CCDC171: variants seen among roughly 807,000 people sequenced by gnomAD.
CCDC171 encodes coiled-coil domain-containing protein 171.
CCDC171 carries 177 observed loss-of-function variants against 168.2 expected under a neutral mutation model. The ratio of observed to expected loss-of-function variants is 1.05; its 90% CI spans 0.93 to 1.19. CCDC171 has a LOEUF of 1.19. Ranked by LOEUF, CCDC171 falls within the 50% of genes most tolerant of loss-of-function variation. The probability of loss-of-function intolerance (pLI) is 0.00; values close to 1 mark genes in which losing one functional copy is unlikely to be tolerated. For synonymous variants in CCDC171, 687 were observed against 540.8 expected, an observed-to-expected ratio of 1.27 and a Z score of -3.75; for missense variants, 1,991 against 1,539.0, an observed-to-expected ratio of 1.29 and a Z score of -4.91.
intron 18 of CCDC171, among the ~76,000 whole-genome samples, chr9:15,763,266 A>G (rs1030936057): frequency 6.6e-6 from 1 of 152,224 alleles, no homozygotes; most frequent in Admixed American, 6.5e-5. Flanking sequence ...TGACCAACCC[A>G]GGAAGCTCAC....
intron 3 of CCDC171, among the ~76,000 whole-genome samples, chr9:15,991,965 A>G (rs1832215050): frequency 6.6e-6 from 1 of 152,198 alleles, no homozygotes; most frequent in South Asian, 2.1e-4. Context: ...AAAGTCCGGG[A>G]TCAGGTGGAT....
chr9:15,648,334 G>T (rs2047216018), intron 7 of CCDC171, among the ~76,000 whole-genome samples: 1 of 152,114 alleles, frequency 6.6e-6, no homozygotes, highest in Non-Finnish European at 1.5e-5. Flanking sequence ...TTGAAAACTG[G>T]CACAATCCAG....
chr9:16,099,571 C>A, the CCDC171 span, among the ~76,000 whole-genome samples: 1 of 152,242 alleles, frequency 6.6e-6, no homozygotes, highest in Admixed American at 6.5e-5. Flanking sequence ...TCCCTAGCGA[C>A]TTCTGAAACA....
chr9:15,802,925 T>C (rs1399809633), intron 21 of CCDC171, among the ~76,000 whole-genome samples: 1 of 152,104 alleles, frequency 6.6e-6, no homozygotes, highest in East Asian at 1.9e-4. Context: ...TCTGTTGTTT[T>C]TTGAGTTTTT....
At chr9:15,914,319 T>C (rs1428853546) in intron 24 of CCDC171, among the ~76,000 whole-genome samples, 1 of 152,208 alleles carries the variant, frequency 6.6e-6, no homozygotes, top group Admixed American at 6.5e-5. Flanking sequence ...CTGGGGCTGC[T>C]GCCTTTCTTT....
chr9:15,908,091 A>C (rs9650678), intron 24 of CCDC171, among the ~76,000 whole-genome samples: 2 of 150,498 alleles, frequency 1.3e-5, no homozygotes, highest in African/African-American at 2.5e-5. Flanking sequence ...GTGGAAGTCA[A>C]TGTGGCGATT....
At chr9:16,081,324 A>G in the CCDC171 span, among the ~76,000 whole-genome samples, 3 of 152,200 alleles carry the variant, frequency 2.0e-5, no homozygotes, top group Admixed American at 2.0e-4. Flanking sequence ...GATGCATCCA[A>G]GCCATCTCCC....
intron 21 of CCDC171, among the ~76,000 whole-genome samples, chr9:15,813,610 G>T (rs900138347): frequency 1.1e-4 from 16 of 151,674 alleles, no homozygotes; most frequent in Non-Finnish European, 1.8e-4. Context: ...ATGTATTTGT[G>T]TGTGTGTGTG....
At chr9:15,768,621 G>A (rs2056856334) in intron 18 of CCDC171, among the ~76,000 whole-genome samples, 2 of 152,290 alleles carry the variant, frequency 1.3e-5, no homozygotes, top group East Asian at 3.9e-4. Flanking sequence ...ATATAAGGAA[G>A]TAAATTTAAA....
intron 7 of CCDC171, among the ~76,000 whole-genome samples, chr9:15,640,016 A>G (rs1364485120): frequency 6.6e-6 from 1 of 152,284 alleles, no homozygotes; most frequent in East Asian, 1.9e-4. Flanking sequence ...CTAGTATGGC[A>G]TCTGGCATAT....
intron 11 of CCDC171, among the ~76,000 whole-genome samples, chr9:15,714,090 T>C (rs2052896464): frequency 6.6e-6 from 1 of 152,212 alleles, no homozygotes; most frequent in Admixed American, 6.5e-5. Context: ...ATTAATTCAC[T>C]GTCATTCTGT....
At chr9:16,106,303 A>G in the CCDC171 span, among the ~76,000 whole-genome samples, 4 of 152,140 alleles carry the variant, frequency 2.6e-5, no homozygotes, top group Non-Finnish European at 1.5e-5. Flanking sequence ...TGTCATGGGG[A>G]GAAAAGTAGG....
intron 3 of CCDC171, among the ~76,000 whole-genome samples, chr9:16,019,580 G>A (rs1272656771): frequency 7.7e-6 from 1 of 129,848 alleles, no homozygotes; most frequent in African/African-American, 2.4e-5. Context: ...TTGAGAGGGA[G>A]AGACAGAGAG....
At chr9:15,716,950 C>G (rs2053128432) in intron 11 of CCDC171, among the ~76,000 whole-genome samples, 1 of 152,126 alleles carries the variant, frequency 6.6e-6, no homozygotes, top group South Asian at 2.1e-4. Flanking sequence ...ATAGAAGCCT[C>G]CAGTGATCAT....
At chr9:15,587,564 G>A (rs892251499) in intron 4 of CCDC171, 11 of 450,068 alleles carry the variant, frequency 2.4e-5, no homozygotes, top group Admixed American at 1.4e-4. Flanking sequence ...AAAAACAGAC[G>A]AATACAAAGC....
At chr9:15,706,880 T>C (rs1057218232) in intron 11 of CCDC171, among the ~76,000 whole-genome samples, 5 of 152,192 alleles carry the variant, frequency 3.3e-5, no homozygotes, top group Admixed American at 3.3e-4. Context: ...TTTGATTCCT[T>C]TGGGCATGTA....
intron 1 of CCDC171, among the ~76,000 whole-genome samples, chr9:16,055,342 C>G (rs1223903481): frequency 6.6e-6 from 1 of 152,068 alleles, no homozygotes; most frequent in Non-Finnish European, 1.5e-5. Flanking sequence ...TTGGGGTCCT[C>G]TTGGTGGCTA....
At position 15,944,904 on chromosome 9, in the gene CCDC171, A is replaced by G. The variant is rs565447352; in HGVS notation, c.3753+24482A>G. On this transcript the variant is annotated intron_variant, in intron 25 of 25. Transcript: ENST00000380701. ...TCTTTCTTTTTTATCATTATACTTTAAGTTTTAGGGTACATGTGCACAATA... is the reference window on the plus strand; with the variant it reads ...TCTTTCTTTTTTATCATTATACTTTGAGTTTTAGGGTACATGTGCACAATA... 1.6e-4 allele frequency among the ~76,000 whole-genome samples: 19 copies of G among 119,460 alleles called. No individual in the cohort carries two copies. The South Asian group carries it at 4.8e-3, about 30-fold the overall frequency. 78.4% of individuals were successfully genotyped at this position (119,460 alleles called of 152,430 possible).
intron 7 of CCDC171, among the ~76,000 whole-genome samples, chr9:15,637,014 G>C (rs1252177046): frequency 6.6e-6 from 1 of 152,050 alleles, no homozygotes. Context: ...CCAGCACTTT[G>C]GGAGGCTGAG....
Sources: allele counts gnomAD v4.1 joint callset (sites outside exome capture counted in the v4.1 genomes callset), GRCh38; gene constraint gnomAD v4.1.1; transcripts MANE v1.5; gene names NCBI Gene and HGNC (gene_info 2026-07-23, HGNC 2026-07-21).